Variants in UPF2 observed in about 807,000 individuals in gnomAD.
UPF2 encodes regulator of nonsense transcripts 2.
Under a neutral mutation model 141.4 loss-of-function variants are expected in UPF2, and 17 were observed. The ratio of observed to expected loss-of-function variants is 0.12; its 90% confidence interval spans 0.08 to 0.18. UPF2 has a LOEUF of 0.18. UPF2 is among the 10% of genes least tolerant of loss of function. UPF2 has a pLI of 1.00. For missense variants in UPF2, 1,152 were observed against 1,515.9 expected (o/e 0.76, Z 3.99); for synonymous variants, 540 against 498.0 (o/e 1.08, Z -1.12).
intron 16 of UPF2, among the ~76,000 whole-genome samples, chr10:11,947,039 T>TA (rs1476002880): frequency 6.6e-6 from 1 of 152,124 alleles, no homozygotes; most frequent in Admixed American, 6.5e-5. Flanking sequence ...CCATCTCTAC[T>TA]AAAAATACAA....
chr10:11,986,410 G>A (rs1833693103), intron 8 of UPF2, among the ~76,000 whole-genome samples: 1 of 148,808 alleles, frequency 6.7e-6, no homozygotes. Context: ...GCAGAAACAA[G>A]AGCAGAAACA....
At position 11,931,669 on chromosome 10, in the gene UPF2, A is replaced by G; in HGVS notation, c.3660T>C (p.Asn1220=). The part of the protein sequence containing the change: ...MRMKKLTLDI[N]ERQEQEDYQE... ...GATAATCTTCTTGTTCTTGCCGTTCATTGATATCTAGTGTGAGCTTTTTCA... is the reference window on the plus strand; with the variant it reads ...GATAATCTTCTTGTTCTTGCCGTTCGTTGATATCTAGTGTGAGCTTTTTCA... The change falls in exon 20 of 22, where the codon AAT becomes AAC. Residue 1220 remains asparagine, a synonymous_variant. Coordinates refer to ENST00000357604, the MANE Select transcript of UPF2 (RefSeq NM_015542.4). The surrounding 1 kb of genome is among the most constrained non-coding windows in gnomAD (Gnocchi z 5.9). 2 of 1,607,152 alleles carry G rather than the reference A, an allele frequency of 1.2e-6. No homozygotes were observed. The highest frequency in any genetic ancestry group is 1.7e-6 in the Non-Finnish European group (2 of 1,178,592).
chr10:11,983,837 G>A (rs1833640871), intron 8 of UPF2, among the ~76,000 whole-genome samples: 1 of 152,002 alleles, frequency 6.6e-6, no homozygotes, highest in Non-Finnish European at 1.5e-5. Context: ...TCTATGCTCT[G>A]GAACAAGCGA....
chr10:12,038,399 C>CACACAT (rs2131320941), intron 1 of UPF2, among the ~76,000 whole-genome samples: 1 of 149,218 alleles, frequency 6.7e-6, no homozygotes, highest in East Asian at 2.0e-4. Context: ...CACACACACA[C>CACACAT]ACACACACAC....
chr10:11,973,048 G>A (rs1239877448), intron 9 of UPF2, among the ~76,000 whole-genome samples: 5 of 152,164 alleles, frequency 3.3e-5, no homozygotes, highest in Non-Finnish European at 7.3e-5. Flanking sequence ...AGCACCTGTT[G>A]TTTCCTGACT....
intron 8 of UPF2, among the ~76,000 whole-genome samples, chr10:11,993,675 G>C (rs1431644970): frequency 6.6e-6 from 1 of 152,072 alleles, no homozygotes; most frequent in African/African-American, 2.4e-5. Context: ...ATTACCACAT[G>C]TCAGAACTAA....
chr10:11,954,879 A>G (rs896015320), intron 14 of UPF2, among the ~76,000 whole-genome samples: 27 of 151,082 alleles, frequency 1.8e-4, no homozygotes, highest in Non-Finnish European at 3.2e-4. Flanking sequence ...GAGTGAGAAG[A>G]GAACATTAAC....
intron 10 of UPF2, among the ~76,000 whole-genome samples, chr10:11,967,091 A>G (rs573690495): frequency 7.2e-5 from 11 of 152,262 alleles, no homozygotes; most frequent in South Asian, 6.2e-4. Context: ...ATCAAGTTTT[A>G]TATTTTTAAG....
At chr10:11,946,621 A>T (rs967604747) in intron 16 of UPF2, among the ~76,000 whole-genome samples, 14 of 152,170 alleles carry the variant, frequency 9.2e-5, no homozygotes, top group Admixed American at 3.3e-4. Flanking sequence ...TCAGTATTCT[A>T]TTCGTATCTT....
chr10:12,037,037 G>T (rs1175843081), intron 1 of UPF2, among the ~76,000 whole-genome samples: 2 of 152,028 alleles, frequency 1.3e-5, no homozygotes, highest in Non-Finnish European at 2.9e-5. Context: ...AGAAAAAAAA[G>T]AAAATCAAAA....
chr10:11,990,979 G>T (rs1833769918), intron 8 of UPF2, among the ~76,000 whole-genome samples: 1 of 127,996 alleles, frequency 7.8e-6, no homozygotes, highest in South Asian at 2.4e-4. Context: ...GACAGAGCAA[G>T]ACTCCATCTC....
Position 11,921,235 on chromosome 10 carries a change from T to G in UPF2, c.*63A>C. ...GTGTCCACTGCTCTCATTCAATTGC[T>G]GGAGGACTCCACTAACCACAACATC... is the stretch of plus-strand genomic sequence containing the variant. On this transcript the variant is annotated 3_prime_UTR_variant, in exon 22 of 22. Transcript: ENST00000357604. The surrounding 1 kb of genome is among the most constrained non-coding windows in gnomAD (Gnocchi z 5.9). 6.2e-7 allele frequency: 1 copy of G among 1,609,620 alleles called. No homozygotes were observed. The highest frequency in any genetic ancestry group is 2.2e-5 in the East Asian group (1 of 44,866).
chr10:11,950,890 T>C (rs1383482304), intron 15 of UPF2, among the ~76,000 whole-genome samples: 6 of 152,238 alleles, frequency 3.9e-5, no homozygotes, highest in Admixed American at 3.9e-4. Flanking sequence ...GTAGCAGCAC[T>C]TGTAAAACCT....
chr10:12,010,310 C>T (rs777412301), intron 4 of UPF2, among the ~76,000 whole-genome samples: 8 of 152,208 alleles, frequency 5.3e-5, no homozygotes, highest in East Asian at 1.9e-4. Context: ...GAAACCAACT[C>T]GGAAATCACA....
intron 8 of UPF2, among the ~76,000 whole-genome samples, chr10:11,990,098 A>G (rs551759961): frequency 3.3e-5 from 5 of 152,348 alleles, no homozygotes; most frequent in African/African-American, 1.2e-4. Context: ...AAGCCACCCA[A>G]TCTGTCCAGA....
In UPF2 at chr10:12,016,032, C is replaced by A. The variant is rs929564087; in HGVS notation, c.1146-1848G>T. Among the ~76,000 whole-genome samples the A allele has an allele frequency of 6.6e-6, 1 of 152,046 alleles. No homozygotes were observed. The highest frequency in any genetic ancestry group is 1.5e-5 in the Non-Finnish European group (1 of 67,994). On this transcript the variant is annotated intron_variant, in intron 3 of 21. Coordinates refer to ENST00000357604, the MANE Select transcript of UPF2 (RefSeq NM_015542.4). This position sits in a 1 kb window ranked among gnomAD's most constrained non-coding sequence, Gnocchi z 4.1. ...AAACATGTGTTTCAGACTACTGTTA[C>A]AAACACAAACAAAATTTTTTCAGTA...
At chr10:12,009,972 T>C (rs1834100347) in intron 4 of UPF2, among the ~76,000 whole-genome samples, 1 of 152,168 alleles carries the variant, frequency 6.6e-6, no homozygotes, top group Non-Finnish European at 1.5e-5. Context: ...GAGAGGCTCA[T>C]GGGACCAGGA....
intron 18 of UPF2, among the ~76,000 whole-genome samples, chr10:11,938,553 G>A (rs1019048603): frequency 2.0e-5 from 3 of 151,758 alleles, no homozygotes; most frequent in African/African-American, 7.3e-5. Flanking sequence ...AATATCTGAT[G>A]GTCTGATAAG....
chr10:12,013,424 G>A (rs932907973), intron 4 of UPF2, among the ~76,000 whole-genome samples: 6 of 151,654 alleles, frequency 4.0e-5, no homozygotes, highest in Admixed American at 6.6e-5. Flanking sequence ...CTACAGGCAC[G>A]TGCCACCACA....
Sources: gnomAD v4.1 joint callset for allele counts (sites outside exome capture counted in the v4.1 genomes callset) on GRCh38, gnomAD v4.1.1 for gene constraint, Gnocchi (gnomAD v3.1) non-coding constraint, MANE v1.5 for transcripts, NCBI Gene and HGNC (gene_info 2026-07-23, HGNC 2026-07-21) for gene names.